The following STK11IP variants were observed in gnomAD, a reference collection of about 807,000 sequenced individuals.
STK11IP encodes the protein serine/threonine kinase 11 interacting protein, also known as serine/threonine-protein kinase 11-interacting protein.
In STK11IP, 103 loss-of-function variants were observed where a neutral mutation model predicts 131.7. That is an observed-to-expected ratio of 0.78 (90% CI 0.67 to 0.92). STK11IP has a LOEUF of 0.92. STK11IP is among the 40% of genes least tolerant of loss of function. The probability of loss-of-function intolerance (pLI) is 0.00; values close to 1 mark genes in which losing one functional copy is unlikely to be tolerated. For missense variants in STK11IP, 1,315 were observed against 1,385.7 expected (o/e 0.95, Z 0.81); for synonymous variants, 557 against 575.6 (o/e 0.97, Z 0.46).
At position 219,616,195 on chromosome 2, in the gene STK11IP, G is replaced by T. The variant is rs778152941; in HGVS notation, c.*2G>T. The T allele has an allele frequency of 3.7e-6, 6 of 1,612,520 alleles. No homozygotes were observed. The highest frequency in any genetic ancestry group is 1.7e-5 in the Admixed American group (1 of 59,940). ...GAGGCGCTGGCCCTTGACCGATGAGGGTCCCACGCTGACCTTGGCCCTGAC... is the reference window on the plus strand; with the variant it reads ...GAGGCGCTGGCCCTTGACCGATGAGTGTCCCACGCTGACCTTGGCCCTGAC... On this transcript the variant is annotated 3_prime_UTR_variant, in exon 25 of 25. Coordinates refer to ENST00000456909, the MANE Select transcript of STK11IP (RefSeq NM_052902.4).
intron 8 of STK11IP, 93 bp downstream of exon 8, chr2:219,605,827 A>G: frequency 6.6e-7 from 1 of 1,519,142 alleles, no homozygotes; most frequent in Non-Finnish European, 8.9e-7. Flanking sequence ...TAGAGCCTTG[A>G]GAGGGCTTAT....
chr2:219,600,475 G>A (rs1321095512), intron 2 of STK11IP, among the ~76,000 whole-genome samples: 1 of 152,110 alleles, frequency 6.6e-6, no homozygotes, highest in Non-Finnish European at 1.5e-5. Context: ...AGGATACAGG[G>A]GACCTTTCTG....
Position 219,608,284 on chromosome 2 carries a change from T to A in STK11IP, c.1457T>A (p.Met486Lys). The change falls in exon 14 of 25, where the codon ATG becomes AAG. Residue 486 changes from methionine to lysine, a missense_variant. Met to Lys is a moderately conservative substitution (Grantham distance 95). Coordinates refer to ENST00000456909, the MANE Select transcript of STK11IP (RefSeq NM_052902.4). ...GGCCCCCAGGAGTCACCACAGAAAA[T>A]GTCAGAGGAGGTCAGGGCGGAGCCA... The part of the protein sequence containing the change: ...ARGPQESPQK[M>K]SEEVRAEPQE... 4 of 1,610,842 alleles carry A rather than the reference T, an allele frequency of 2.5e-6. No homozygotes were observed. Among genetic ancestry groups the A allele is most frequent in the Non-Finnish European group, 3.4e-6 (4 of 1,179,176 alleles).
chr2:219,611,652 T>C lies in STK11IP; in HGVS notation c.2153T>C (p.Leu718Pro). The C allele has an allele frequency of 6.2e-7, 1 of 1,613,058 alleles. No individual in the cohort carries two copies. Among genetic ancestry groups the C allele is most frequent in the Non-Finnish European group, 8.5e-7 (1 of 1,179,824 alleles). ...TGTGGTAGTGACCACGTGGTTCTCC[T>C]CGCTGTGTCTCGGGGAACCCCCAAC... Reference protein sequence around the residue: ...PNCGSDHVVLLAVSRGTPNRE... With the variant: ...PNCGSDHVVLPAVSRGTPNRE... Residue 718 changes from leucine to proline, a missense_variant, in exon 18 of 25, where the codon CTC becomes CCC. Leu to Pro is a moderately conservative substitution (Grantham distance 98, BLOSUM62 -3). Transcript: ENST00000456909.
chr2:219,614,140 C>T, intron 21 of STK11IP, 21 bp from the exon 22 acceptor site: 1 of 1,612,950 alleles, frequency 6.2e-7, no homozygotes, highest in Non-Finnish European at 8.5e-7. Flanking sequence ...TTCTAAAGTT[C>T]CCTGGCCTGC....
intron 16 of STK11IP, 66 bp from the exon 17 acceptor site, chr2:219,609,297 G>T: frequency 6.3e-7 from 1 of 1,587,570 alleles, no homozygotes; most frequent in African/African-American, 1.3e-5. Flanking sequence ...GAGGGCCGGG[G>T]GCCTGTGGGA....
In STK11IP at chr2:219,601,963, C is replaced by T. The variant is rs777524170; in HGVS notation, c.343-25C>T. On this transcript the variant is annotated intron_variant, in intron 4 of 24. Transcript: ENST00000456909. ...TTTGTCTTCTGTGGGGTTCTGCCTT[C>T]CTCCCTCCTCTTTCCTTGTCCCAGC... 2.5e-6 allele frequency: 4 copies of T among 1,587,430 alleles called. No homozygotes were observed. The Middle Eastern group carries it at 5.0e-4, about 197-fold the overall frequency.
At chr2:219,607,225 T>C in intron 13 of STK11IP, 88 bp downstream of exon 13, 2 of 1,307,666 alleles carry the variant, frequency 1.5e-6, no homozygotes, top group South Asian at 2.5e-5. Flanking sequence ...CTGGAAGAAA[T>C]GTTATTTTTT....
At chr2:219,614,773 T>G (rs1195099640) in intron 23 of STK11IP, 2 of 698,172 alleles carry the variant, frequency 2.9e-6, no homozygotes, top group Non-Finnish European at 5.2e-6. Context: ...GAGCCTTTGC[T>G]CTCGGGCCCA....
At chr2:219,606,150 G>T (rs767919240) in intron 9 of STK11IP, 45 bp from the exon 10 acceptor site, 2 of 1,542,714 alleles carry the variant, frequency 1.3e-6, no homozygotes, top group South Asian at 1.2e-5. Flanking sequence ...CACAGGGAGG[G>T]CCAGGGCCCC....
intron 2 of STK11IP, among the ~76,000 whole-genome samples, chr2:219,599,586 G>T (rs116580853): frequency 6.6e-6 from 1 of 152,188 alleles, no homozygotes; most frequent in African/African-American, 2.4e-5. Context: ...GTGATGAATG[G>T]TGGGTGTGTG....
intron 21 of STK11IP, 63 bp from the exon 22 acceptor site, chr2:219,614,098 G>A: frequency 1.3e-6 from 2 of 1,586,084 alleles, no homozygotes; most frequent in Admixed American, 3.4e-5. Flanking sequence ...GGATTGAGAG[G>A]TGGTGAGTTT....
In STK11IP at chr2:219,611,694, G is replaced by C. The variant is rs376178918; in HGVS notation, c.2195G>C (p.Gly732Ala). Residue 732 changes from glycine (G) to alanine (A), a missense_variant, in exon 18 of 25, where the codon GGA becomes GCA. Gly to Ala is a moderately conservative substitution (Grantham distance 60, BLOSUM62 0). Coordinates refer to ENST00000456909, the MANE Select transcript of STK11IP (RefSeq NM_052902.4). ...RGTPNRERKQ[G>A]EQSLAPSPSA... ...ACCCCCAACAGGGAGCGGAAACAGG[G>C]AGAGCAGTCTCTGGCTCCTTCTCCG... is the stretch of plus-strand genomic sequence containing the variant. The C allele has an allele frequency of 6.2e-5, 100 of 1,613,052 alleles. No homozygotes were observed. The highest frequency in any genetic ancestry group is 7.4e-5 in the Non-Finnish European group (87 of 1,179,906).
chr2:219,601,911 TC>T (rs1697998603), intron 4 of STK11IP, 76 bp from the exon 5 acceptor site: 3 of 1,383,898 alleles, frequency 2.2e-6, no homozygotes, highest in Non-Finnish European at 3.0e-6. Context: ...TTCTCCCTCC[TC>T]CCAACTAGGG....
At chr2:219,611,370 C>T (rs78946006) in intron 17 of STK11IP, among the ~76,000 whole-genome samples, 2,161 of 152,254 alleles carry the variant, frequency 0.014, 50 homozygotes, top group African/African-American at 0.05. Flanking sequence ...AGGTAGAGTG[C>T]ACTTTGAGGA....
chr2:219,615,688 T>C (rs1243262453), intron 24 of STK11IP: 3 of 638,242 alleles, frequency 4.7e-6, no homozygotes, highest in African/African-American at 3.6e-5. Flanking sequence ...GGAGATACGG[T>C]TACTGGTCCT....
intron 7 of STK11IP, among the ~76,000 whole-genome samples, chr2:219,604,816 A>C (rs377644585): frequency 6.7e-6 from 1 of 150,190 alleles, no homozygotes; most frequent in Non-Finnish European, 1.5e-5. Context: ...CAGAAGTGTC[A>C]GTGGACTTTT....
chr2:219,608,396 GGAA>G lies in STK11IP; in HGVS notation c.1575_1577del (p.Glu527del). ...AGGGAGAAGAGGAGGCAGGAGAGGA[GGAA>G]GAAGAGGAGCAGGACCAGAAGGAAG... On this transcript the variant is annotated inframe_deletion, in exon 14 of 25. Transcript: ENST00000456909. The G allele has an allele frequency of 6.3e-7, 1 of 1,575,204 alleles. No homozygotes were observed. Among genetic ancestry groups the G allele is most frequent in the South Asian group, 1.2e-5 (1 of 86,240 alleles).
In STK11IP at chr2:219,616,298, G is replaced by A. The variant is rs1698567017; in HGVS notation, c.*105G>A. On this transcript the variant is annotated 3_prime_UTR_variant, in exon 25 of 25. Coordinates refer to ENST00000456909, the MANE Select transcript of STK11IP (RefSeq NM_052902.4). Reference sequence around the variant, plus strand: ...CAGGCTCTGGCTGTGGATGTCTTCAGCCTCTGGGTGCTGGCCAGTGAGGTC... The same window carrying A: ...CAGGCTCTGGCTGTGGATGTCTTCAACCTCTGGGTGCTGGCCAGTGAGGTC... 1 of 1,423,276 alleles carries A rather than the reference G, an allele frequency of 7.0e-7. No individual in the cohort carries two copies. Among genetic ancestry groups the A allele is most frequent in the Non-Finnish European group, 9.4e-7 (1 of 1,065,372 alleles). 88.2% of individuals were successfully genotyped at this position (1,423,276 alleles called of 1,614,324 possible).
Sources: allele counts gnomAD v4.1 joint callset (sites outside exome capture counted in the v4.1 genomes callset), GRCh38; gene constraint gnomAD v4.1.1; transcripts MANE v1.5; gene names NCBI Gene and HGNC (gene_info 2026-07-23, HGNC 2026-07-21).